ADCY2: variants seen among roughly 807,000 people sequenced by gnomAD.
The protein encoded by ADCY2 is adenylate cyclase type 2.
In ADCY2, 31 loss-of-function variants were observed where a neutral mutation model predicts 125.2. The ratio of observed to expected loss-of-function variants is 0.25; its 90% confidence interval spans 0.19 to 0.33. The LOEUF (loss-of-function observed/expected upper bound fraction) is 0.33. ADCY2 is among the 10% of genes least tolerant of loss of function. ADCY2 has a pLI of 1.00. For missense variants in ADCY2, 904 were observed against 1,418.2 expected (o/e 0.64, Z 5.82); for synonymous variants, 512 against 548.4 (o/e 0.93, Z 0.93).
At chr5:7,417,071 G>A (rs1164947671) in intron 2 of ADCY2, among the ~76,000 whole-genome samples, 1 of 152,066 alleles carries the variant, frequency 6.6e-6, no homozygotes, top group Non-Finnish European at 1.5e-5. Flanking sequence ...TTAATGAAAG[G>A]GTCGTGTATA....
At chr5:7,433,871 G>A (rs1444380964) in intron 2 of ADCY2, among the ~76,000 whole-genome samples, 1 of 152,026 alleles carries the variant, frequency 6.6e-6, no homozygotes, top group African/African-American at 2.4e-5. Context: ...GAAAAAAATT[G>A]GCTATCTTTT....
At chr5:7,786,990 G>C (rs915595599) in intron 19 of ADCY2, among the ~76,000 whole-genome samples, 1 of 152,162 alleles carries the variant, frequency 6.6e-6, no homozygotes, top group African/African-American at 2.4e-5. Flanking sequence ...GGGGTCCCAG[G>C]CATGTCCTGG....
intron 4 of ADCY2, among the ~76,000 whole-genome samples, chr5:7,632,331 T>A (rs1009705579): frequency 2.0e-5 from 3 of 152,184 alleles, no homozygotes; most frequent in Non-Finnish European, 4.4e-5. Context: ...TTTTCATCTT[T>A]TATTAAATCA....
At chr5:7,766,640 T>G (rs1278085299) in intron 16 of ADCY2, 47 bp from the exon 17 acceptor site, 2 of 1,600,216 alleles carry the variant, frequency 1.2e-6, no homozygotes, top group Non-Finnish European at 1.7e-6. Context: ...TGCTAGTTAT[T>G]TAATCTAATT....
At chr5:7,581,819 C>CAAAAAAAAA (rs59841590) in intron 3 of ADCY2, among the ~76,000 whole-genome samples, 5 of 123,778 alleles carry the variant, frequency 4.0e-5, no homozygotes, top group African/African-American at 1.6e-4. Context: ...GACTCAGTCT[C>CAAAAAAAAA]AAAAAAAAAA....
rs980468182 is a variant in ADCY2 at position 7,709,457 on chromosome 5, C to T, written c.1578+70C>T. The T allele has an allele frequency of 8.3e-6, 12 of 1,446,312 alleles. 1 individual carries two copies. The highest frequency in any genetic ancestry group is 1.8e-4 in the Middle Eastern group (1 of 5,480). The allele number at this position is 1,446,312 out of a possible 1,614,324, so 89.6% of individuals were successfully genotyped here. A position where few individuals can be genotyped will look rare whatever the true frequency, so the allele number is the denominator to read the frequency against. The stretch of plus-strand genomic sequence containing the variant: ...TAACTTCCCAAAACCAAAGGCTGGG[C>T]ATCTCCTGCCAAAATAACTCCTTTC... On this transcript the variant is annotated intron_variant, in intron 10 of 24. Transcript: ENST00000338316. This position sits in a 1 kb window ranked among gnomAD's most constrained non-coding sequence, Gnocchi z 4.4.
intron 5 of ADCY2, among the ~76,000 whole-genome samples, chr5:7,693,693 G>C (rs924250349): frequency 1.3e-5 from 2 of 152,144 alleles, no homozygotes; most frequent in Admixed American, 1.3e-4. Flanking sequence ...AAAGTGCTGG[G>C]ATTACAGGCG....
intron 2 of ADCY2, among the ~76,000 whole-genome samples, chr5:7,485,749 G>A (rs1742902502): frequency 6.6e-6 from 1 of 152,108 alleles, no homozygotes; most frequent in South Asian, 2.1e-4. Flanking sequence ...TGACACATTA[G>A]CATAAACTAT....
chr5:7,712,835 TAAC>T lies in ADCY2; in HGVS notation c.1579-20_1579-18del. 6.4e-7 allele frequency: 1 copy of T among 1,571,914 alleles called. No individual in the cohort carries two copies. The highest frequency in any genetic ancestry group is 8.7e-7 in the Non-Finnish European group (1 of 1,146,112). On this transcript the variant is annotated intron_variant, in intron 10 of 24. Coordinates refer to ENST00000338316, the MANE Select transcript of ADCY2 (RefSeq NM_020546.3). ...TCTTGAAACATGTTTTGACAATTAATAACCTTTTTTCTCAATATAGGATGTACC... is the reference window on the plus strand; with the variant it reads ...TCTTGAAACATGTTTTGACAATTAATCTTTTTTCTCAATATAGGATGTACC...
intron 17 of ADCY2, among the ~76,000 whole-genome samples, chr5:7,768,568 T>C (rs146133787): frequency 6.6e-6 from 1 of 152,332 alleles, no homozygotes; most frequent in Non-Finnish European, 1.5e-5. Context: ...AAATCTCTCC[T>C]TCCACTATGT....
At chr5:7,411,863 C>G (rs2126322717) in intron 1 of ADCY2, among the ~76,000 whole-genome samples, 1 of 152,190 alleles carries the variant, frequency 6.6e-6, no homozygotes, top group South Asian at 2.1e-4. Flanking sequence ...ATCACGAGGT[C>G]AGGAGATCGA....
At chr5:7,809,206 A>G (rs141106175) in intron 22 of ADCY2, among the ~76,000 whole-genome samples, 109 of 152,340 alleles carry the variant, frequency 7.2e-4, no homozygotes, top group African/African-American at 2.5e-3. Context: ...TAAGAGTTTT[A>G]GGACATTGAA....
At chr5:7,623,865 C>G (rs1450490897) in intron 3 of ADCY2, among the ~76,000 whole-genome samples, 8 of 152,166 alleles carry the variant, frequency 5.3e-5, no homozygotes, top group Non-Finnish European at 1.2e-4. Flanking sequence ...GTATGCACAC[C>G]ACATGCATAT....
intron 2 of ADCY2, among the ~76,000 whole-genome samples, chr5:7,453,625 T>C (rs866193799): frequency 2.0e-5 from 3 of 152,282 alleles, no homozygotes; most frequent in South Asian, 4.1e-4. Context: ...ACGGGAAGTA[T>C]ACTTGGAAGA....
chr5:7,805,707 G>A (rs894630088), intron 22 of ADCY2, among the ~76,000 whole-genome samples: 39 of 152,178 alleles, frequency 2.6e-4, no homozygotes, highest in African/African-American at 9.2e-4. Context: ...CATGGGAAGA[G>A]TGAGAGTGGG....
intron 3 of ADCY2, among the ~76,000 whole-genome samples, chr5:7,588,689 C>A (rs1736710418): frequency 6.6e-6 from 1 of 152,180 alleles, no homozygotes; most frequent in Non-Finnish European, 1.5e-5. Context: ...TTTATGTACA[C>A]TGAAATTTGA....
intron 4 of ADCY2, among the ~76,000 whole-genome samples, chr5:7,649,797 C>G (rs1187185470): frequency 6.6e-6 from 1 of 152,104 alleles, no homozygotes; most frequent in African/African-American, 2.4e-5. Context: ...AAAACATGAC[C>G]AAAATAGAGC....
chr5:7,511,947 G>A (rs545890313), intron 2 of ADCY2, among the ~76,000 whole-genome samples: 2 of 151,932 alleles, frequency 1.3e-5, no homozygotes, highest in East Asian at 3.9e-4. Flanking sequence ...GGGGCCAGAC[G>A]CTGTGGCTCA....
chr5:7,662,381 C>G (rs1291212381), intron 4 of ADCY2, among the ~76,000 whole-genome samples: 1 of 152,204 alleles, frequency 6.6e-6, no homozygotes, highest in South Asian at 2.1e-4. Context: ...ACTCCTTCAT[C>G]CAACTGTTGC....
Sources: allele counts gnomAD v4.1 joint callset (sites outside exome capture counted in the v4.1 genomes callset), GRCh38; gene constraint gnomAD v4.1.1; non-coding constraint Gnocchi (gnomAD v3.1); transcripts MANE v1.5; gene names NCBI Gene and HGNC (gene_info 2026-07-23, HGNC 2026-07-21).